Variants in MTA3 observed in about 807,000 individuals in gnomAD.
The protein encoded by MTA3 is metastasis-associated protein MTA3.
In MTA3, 34 loss-of-function variants were observed where a neutral mutation model predicts 83.5. That is an observed-to-expected ratio of 0.41 (90% confidence interval 0.31 to 0.54). The LOEUF is 0.54. MTA3 is among the 20% of genes least tolerant of loss of function. The probability of loss-of-function intolerance (pLI) is 0.33; values close to 1 mark genes in which losing one functional copy is unlikely to be tolerated. For synonymous variants in MTA3, 303 were observed against 252.7 expected (o/e 1.20, Z -1.89); for missense variants, 761 against 726.4 (o/e 1.05, Z -0.55).
rs546038223 is a variant in MTA3, at chr2:42,616,436, T to TA, written c.317+6854dup. ...GATCTCTTGTCTTTTTTTTTTTTTT[T>TA]AATGTTTATTGCGGAACATTGTATC... On this transcript the variant is annotated intron_variant, in intron 4 of 16. Coordinates refer to ENST00000405094, the MANE Select transcript of MTA3 (RefSeq NM_001330442.2). 3.0e-3 allele frequency among the ~76,000 whole-genome samples: 458 copies of TA among 151,552 alleles called. 2 individuals carry two copies. The highest frequency in any genetic ancestry group is 0.01 in the African/African-American group (430 of 41,322).
At chr2:42,602,553 T>C (rs905181438) in intron 3 of MTA3, among the ~76,000 whole-genome samples, 1 of 152,122 alleles carries the variant, frequency 6.6e-6, no homozygotes, top group African/African-American at 2.4e-5. Flanking sequence ...AGTTGGTCTA[T>C]GTTCTTTCAG....
chr2:42,670,515 A>G (rs576989938), intron 8 of MTA3, among the ~76,000 whole-genome samples: 1 of 152,304 alleles, frequency 6.6e-6, no homozygotes, highest in Non-Finnish European at 1.5e-5. Flanking sequence ...ATAGACAGGA[A>G]AGGGCTGAAG....
intron 2 of MTA3, among the ~76,000 whole-genome samples, chr2:42,548,863 T>TAATATATATATATATAAA (rs1283182223): frequency 8.4e-5 from 1 of 11,946 alleles, no homozygotes; most frequent in Non-Finnish European, 1.3e-4. Flanking sequence ...ATATATAATA[T>TAATATATATATATATAAA]ATATATATAT....
rs544316599 is a variant in MTA3, at chr2:42,655,535, CTTA to C, written c.500-662_500-660del. ...ATGCTATAACTGTTAATATGTGTCT[CTTA>C]TTCTATTTATTTGGTTTATATCATA... On this transcript the variant is annotated intron_variant, in intron 6 of 16. Coordinates refer to ENST00000405094, the MANE Select transcript of MTA3 (RefSeq NM_001330442.2). Among the ~76,000 whole-genome samples the C allele has an allele frequency of 3.3e-5, 5 of 152,272 alleles. No individual in the cohort carries two copies. The East Asian group carries it at 9.6e-4, about 29-fold the overall frequency.
chr2:42,651,169 A>T (rs1021513650), intron 6 of MTA3, among the ~76,000 whole-genome samples: 2 of 152,240 alleles, frequency 1.3e-5, no homozygotes, highest in Admixed American at 6.5e-5. Flanking sequence ...CAGTAAAAAG[A>T]TAATAAGTGG....
intron 4 of MTA3, among the ~76,000 whole-genome samples, chr2:42,622,674 T>C (rs1685698264): frequency 6.6e-6 from 1 of 152,082 alleles, no homozygotes; most frequent in African/African-American, 2.4e-5. Context: ...TTTTTTTTTT[T>C]TGAAATGGGA....
intron 8 of MTA3, among the ~76,000 whole-genome samples, chr2:42,682,005 G>C (rs1451828153): frequency 6.6e-6 from 1 of 152,032 alleles, no homozygotes; most frequent in African/African-American, 2.4e-5. Flanking sequence ...CCAGGAGTTC[G>C]AGACCAGCCT....
intron 4 of MTA3, among the ~76,000 whole-genome samples, chr2:42,617,070 C>CATGAGA (rs1684984805): frequency 6.6e-6 from 1 of 152,036 alleles, no homozygotes; most frequent in Non-Finnish European, 1.5e-5. Flanking sequence ...GAAACAAAAC[C>CATGAGA]AATTTAAGAG....
At chr2:42,615,293 CTG>C (rs897346943) in intron 4 of MTA3, among the ~76,000 whole-genome samples, 6 of 150,380 alleles carry the variant, frequency 4.0e-5, no homozygotes, top group African/African-American at 1.5e-4. Flanking sequence ...CTATGGAACA[CTG>C]TATCCAATAG....
At chr2:42,579,232 T>C in intron 3 of MTA3, 32 bp downstream of exon 3, 1 of 1,490,256 alleles carries the variant, frequency 6.7e-7, no homozygotes, top group African/African-American at 1.4e-5. Context: ...AAAAAAACGT[T>C]TTAAGTCTTG....
At chr2:42,720,423 C>T (rs150137754) in intron 15 of MTA3, among the ~76,000 whole-genome samples, 4,042 of 152,132 alleles carry the variant, frequency 0.027, 75 homozygotes, top group Non-Finnish European at 0.041. Context: ...CCTCATGATC[C>T]GCCCACCTCG....
intron 4 of MTA3, among the ~76,000 whole-genome samples, chr2:42,617,979 C>G (rs940889467): frequency 2.0e-5 from 3 of 151,700 alleles, no homozygotes; most frequent in Admixed American, 2.0e-4. Flanking sequence ...TGGTTTTGCT[C>G]TGTTGCCCAG....
intron 11 of MTA3, chr2:42,702,868 T>C (rs1665710892): frequency 6.6e-6 from 1 of 152,318 alleles, no homozygotes; most frequent in Non-Finnish European, 1.5e-5. Flanking sequence ...ACCAAGATAA[T>C]CTGGGCTGCA....
chr2:42,617,979 C>T (rs940889467), intron 4 of MTA3, among the ~76,000 whole-genome samples: 1 of 151,700 alleles, frequency 6.6e-6, no homozygotes, highest in Admixed American at 6.6e-5. Flanking sequence ...TGGTTTTGCT[C>T]TGTTGCCCAG....
chr2:42,549,432 T>C (rs1213864147), intron 2 of MTA3, among the ~76,000 whole-genome samples: 1 of 103,414 alleles, frequency 9.7e-6, no homozygotes, highest in African/African-American at 4.0e-5. Context: ...TAATATATAA[T>C]ATATACGTAT....
chr2:42,605,772 T>G (rs1165498772), intron 3 of MTA3, among the ~76,000 whole-genome samples: 1 of 108,084 alleles, frequency 9.3e-6, no homozygotes, highest in African/African-American at 3.6e-5. Flanking sequence ...GGCTCCTCAC[T>G]TCCCAGAAGG....
intron 6 of MTA3, among the ~76,000 whole-genome samples, chr2:42,648,959 C>CT (rs1214247683): frequency 6.6e-6 from 1 of 152,156 alleles, no homozygotes; most frequent in East Asian, 1.9e-4. Context: ...GTTCCTGTTT[C>CT]TTTCTCTTTA....
At chr2:42,506,980 GT>G (rs1674661148) in intron 2 of MTA3, among the ~76,000 whole-genome samples, 1 of 152,144 alleles carries the variant, frequency 6.6e-6, no homozygotes, top group Non-Finnish European at 1.5e-5. Flanking sequence ...ATAGGTCACT[GT>G]TACCTCGAAC....
chr2:42,523,878 T>C (rs1350229574), intron 2 of MTA3, among the ~76,000 whole-genome samples: 1 of 151,986 alleles, frequency 6.6e-6, no homozygotes, highest in Non-Finnish European at 1.5e-5. Context: ...GATCGCACCA[T>C]TGCACTCCAA....
Sources: allele counts gnomAD v4.1 joint callset (sites outside exome capture counted in the v4.1 genomes callset), GRCh38; gene constraint gnomAD v4.1.1; transcripts MANE v1.5; gene names NCBI Gene and HGNC (gene_info 2026-07-23, HGNC 2026-07-21).